ACADS: variants seen among roughly 807,000 people sequenced by gnomAD.
ACADS encodes the protein acyl-CoA dehydrogenase short chain.
Under a neutral mutation model 46.8 loss-of-function variants are expected in ACADS, and 28 were observed. The ratio of observed to expected loss-of-function variants is 0.60; its 90% CI spans 0.44 to 0.82. The LOEUF (loss-of-function observed/expected upper bound fraction) is 0.82. Among genes scored for constraint, ACADS ranks in the 40% least tolerant of loss-of-function variants. ACADS has a pLI of 0.00. For missense variants in ACADS, 528 were observed against 578.0 expected (o/e 0.91, Z 0.89); for synonymous variants, 236 against 237.7 (o/e 0.99, Z 0.07).
intron 2 of ACADS, among the ~76,000 whole-genome samples, chr12:120,730,194 G>T (rs560323020): frequency 6.6e-6 from 1 of 152,254 alleles, no homozygotes; most frequent in East Asian, 1.9e-4. Flanking sequence ...TGTTGGCCAG[G>T]CTGGTCTCGA....
intron 2 of ACADS, among the ~76,000 whole-genome samples, chr12:120,736,746 C>T (rs1041046304): frequency 2.6e-5 from 4 of 152,114 alleles, no homozygotes; most frequent in Non-Finnish European, 1.5e-5. Context: ...TGGCTGTGGA[C>T]GGAGCGGGGA....
intron 2 of ACADS, among the ~76,000 whole-genome samples, chr12:120,735,578 A>G (rs137940740): frequency 3.3e-5 from 5 of 151,908 alleles, no homozygotes; most frequent in African/African-American, 9.6e-5. Context: ...AAACATTCTT[A>G]TTAGTTTATG....
At position 120,738,655 on chromosome 12, in the gene ACADS, G is replaced by T; in HGVS notation, c.918G>T (p.Lys306Asn). 1 of 1,612,334 alleles carries T rather than the reference G, an allele frequency of 6.2e-7. No individual in the cohort carries two copies. The change falls in exon 7 of 10, where the codon AAG becomes AAT. Residue 306 changes from lysine to asparagine, a missense_variant. Lys to Asn is a moderately conservative substitution (Grantham distance 94, BLOSUM62 0). Coordinates refer to ENST00000242592, the MANE Select transcript of ACADS (RefSeq NM_000017.4). ...TGGCCTTCGGGGCGCCCCTCACCAA[G>T]CTCCAGGTCATCCAGGTAATGGTGG... is the stretch of plus-strand genomic sequence containing the variant. ...NRMAFGAPLT[K>N]LQVIQFKLAD...
chr12:120,739,003 C>T, intron 8 of ACADS, 88 bp downstream of exon 8: 1 of 1,594,502 alleles, frequency 6.3e-7, no homozygotes. Flanking sequence ...CTCCTTGGCC[C>T]CGTGGGTCAG....
In ACADS at chr12:120,737,055, G is replaced by A. The variant is rs772604031; in HGVS notation, c.280G>A (p.Asp94Asn). ...VPEELGGAGL[D>N]YLAYAIAMEE... ...CGAGGAGCTTGGCGGTGCTGGCCTC[G>A]ATTACCTGGCCTACGCCATCGCCAT... The change falls in exon 3 of 10, where the codon GAT (aspartate) becomes AAT (asparagine). Residue 94 changes from aspartate to asparagine, a missense_variant. Asp to Asn is a conservative substitution (Grantham distance 23). Transcript: ENST00000242592. 3.1e-6 allele frequency: 5 copies of A among 1,607,186 alleles called. No homozygotes were observed. The highest frequency in any genetic ancestry group is 3.4e-5 in the Admixed American group (2 of 59,202).
In ACADS at chr12:120,735,985, TC is replaced by T. The variant is rs1156319922; in HGVS notation, c.211-998del. Among the ~76,000 whole-genome samples, 5 of 151,996 alleles carry T rather than the reference TC, an allele frequency of 3.3e-5. No individual in the cohort carries two copies. In the East Asian group the frequency reaches 9.6e-4, roughly 29 times the overall value. On this transcript the variant is annotated intron_variant, in intron 2 of 9. Transcript: ENST00000242592. ...GGGCTCGTGAAAAGCAACGGTTCCCTCCCGTCCCCATCCCTGTCCCCGTCCC... is the reference window on the plus strand; with the variant it reads ...GGGCTCGTGAAAAGCAACGGTTCCCTCCGTCCCCATCCCTGTCCCCGTCCC...
chr12:120,727,032 G>C lies in ACADS; in HGVS notation c.53G>C (p.Cys18Ser), dbSNP rs1320246725. Residue 18 changes from cysteine (C) to serine (S), a missense_variant, in exon 2 of 10, where the codon TGT becomes TCT. Cys to Ser is a moderately radical substitution (Grantham distance 112). Transcript: ENST00000242592. Reference sequence around the variant, plus strand: ...CTTCTGCCCTTGCCGGCAGCTCTCTGTCCTAGGGCCTGGCGGCAGTTACAC... The same window carrying C: ...CTTCTGCCCTTGCCGGCAGCTCTCTCTCCTAGGGCCTGGCGGCAGTTACAC... ...RASGPARRALCPRAWRQLHTI... is the reference protein window; with the variant it reads ...RASGPARRALSPRAWRQLHTI... 1 of 1,614,134 alleles carries C rather than the reference G, an allele frequency of 6.2e-7. No individual in the cohort carries two copies. The highest frequency in any genetic ancestry group is 1.1e-5 in the South Asian group (1 of 91,086).
In ACADS at chr12:120,739,289, A is replaced by G; in HGVS notation, c.1087-7A>G. The G allele has an allele frequency of 6.2e-7, 1 of 1,612,988 alleles. No homozygotes were observed. Among genetic ancestry groups the G allele is most frequent in the Non-Finnish European group, 8.5e-7 (1 of 1,179,954 alleles). On this transcript the variant is annotated splice_region_variant and splice_polypyrimidine_tract_variant and intron_variant, in intron 9 of 9. Transcript: ENST00000242592. ...TTCTCCCTCCTGAGCCACTGTTCTC[A>G]TCTCAGGCCATCCAGATCCTGGGCG...
intron 2 of ACADS, among the ~76,000 whole-genome samples, chr12:120,727,704 T>G (rs1592933703): frequency 6.6e-6 from 1 of 152,104 alleles, no homozygotes. Flanking sequence ...GCCCCGCTAC[T>G]TTTGTATTTT....
Position 120,739,736 on chromosome 12 carries a change from C to G in ACADS, c.*288C>G. ...GGGGGCTGAGCGACACTCAGGGACACCTCAGTTGTCCTCCCGCGGGCCCTG... is the reference window on the plus strand; with the variant it reads ...GGGGGCTGAGCGACACTCAGGGACAGCTCAGTTGTCCTCCCGCGGGCCCTG... On this transcript the variant is annotated 3_prime_UTR_variant, in exon 10 of 10. Coordinates refer to ENST00000242592, the MANE Select transcript of ACADS (RefSeq NM_000017.4). 2.1e-6 allele frequency: 1 copy of G among 486,826 alleles called. No individual in the cohort carries two copies. Among genetic ancestry groups the G allele is most frequent in the Non-Finnish European group, 3.7e-6 (1 of 267,354 alleles). 30.2% of individuals were successfully genotyped at this position (486,826 alleles called of 1,614,324 possible). A position where few individuals can be genotyped will look rare whatever the true frequency, so the allele number is the denominator to read the frequency against.
At chr12:120,734,639 G>C (rs1883367871) in intron 2 of ACADS, among the ~76,000 whole-genome samples, 1 of 152,072 alleles carries the variant, frequency 6.6e-6, no homozygotes, top group African/African-American at 2.4e-5. Flanking sequence ...GCTTGGTGTG[G>C]TGGCTCGTGC....
At chr12:120,738,096 G>A in intron 5 of ACADS, 108 bp downstream of exon 5, 3 of 1,580,724 alleles carry the variant, frequency 1.9e-6, no homozygotes, top group Non-Finnish European at 2.6e-6. Flanking sequence ...TCTGGGGCAA[G>A]TGGGCTGTCC....
intron 2 of ACADS, among the ~76,000 whole-genome samples, chr12:120,736,412 A>G (rs1216072561): frequency 2.6e-5 from 4 of 152,238 alleles, no homozygotes; most frequent in African/African-American, 9.6e-5. Flanking sequence ...TGAAGGCAAA[A>G]GACCTTAATC....
chr12:120,737,904 T>C lies in ACADS; in HGVS notation c.540T>C (p.Asn180=), dbSNP rs1405058738. The C allele has an allele frequency of 6.2e-7, 1 of 1,614,140 alleles. No individual in the cohort carries two copies. The highest frequency in any genetic ancestry group is 8.5e-7 in the Non-Finnish European group (1 of 1,180,020). Residue 180 remains asparagine (N), a synonymous_variant, in exon 5 of 10, where the codon AAT becomes AAC. Coordinates refer to ENST00000242592, the MANE Select transcript of ACADS (RefSeq NM_000017.4). ...ARAEGDSWVL[N]GTKAWITNAW... Reference sequence around the variant, plus strand: ...CCGAGGGCGACTCATGGGTTCTGAATGGAACCAAAGCCTGGATCACCAATG... The same window carrying C: ...CCGAGGGCGACTCATGGGTTCTGAACGGAACCAAAGCCTGGATCACCAATG...
rs1883531349 is a variant in ACADS at position 120,738,372 on chromosome 12, C to T, written c.717C>T (p.Ala239=). 5 of 1,614,144 alleles carry T rather than the reference C, an allele frequency of 3.1e-6. No homozygotes were observed. The highest frequency in any genetic ancestry group is 1.3e-5 in the African/African-American group (1 of 75,074). Residue 239 remains alanine, a synonymous_variant, in exon 6 of 10, where the codon GCC becomes GCT. Transcript: ENST00000242592. ...TGGGCATCCGGGGCTCATCCACGGC[C>T]AACCTCATCTTTGAGGACTGTCGCA... is the stretch of plus-strand genomic sequence containing the variant. ...DKLGIRGSST[A]NLIFEDCRIP...
rs1369537981 is a variant in ACADS, at chr12:120,728,902, T to A, written c.210+1713T>A. Among the ~76,000 whole-genome samples the A allele has an allele frequency of 6.6e-6, 1 of 152,262 alleles. No homozygotes were observed. ...TATGAAGGCAGCAGGTGCTGCAGGC[T>A]TGCCTTGTCTGTCACTGCTGGGAAA... On this transcript the variant is annotated intron_variant, in intron 2 of 9. Coordinates refer to ENST00000242592, the MANE Select transcript of ACADS (RefSeq NM_000017.4). This position sits in a 1 kb window ranked among gnomAD's most constrained non-coding sequence, Gnocchi z 4.0.
intron 5 of ACADS, 125 bp downstream of exon 5, chr12:120,738,113 C>T: frequency 6.4e-7 from 1 of 1,569,782 alleles, no homozygotes; most frequent in Non-Finnish European, 8.6e-7. Flanking sequence ...GTCCCTGTCC[C>T]TCCTCAGCTG....
chr12:120,738,835 A>G lies in ACADS; in HGVS notation c.949A>G (p.Met317Val), dbSNP rs1883550890. ...LQVIQFKLAD[M>V]ALALESARLL... ...GCTATTGCAGTTCAAGTTGGCAGAC[A>G]TGGCCCTGGCCCTGGAGAGTGCCCG... is the stretch of plus-strand genomic sequence containing the variant. The change falls in exon 8 of 10, where the codon ATG becomes GTG. Residue 317 changes from methionine to valine, a missense_variant. By Grantham distance (21) the Met-to-Val change is conservative (BLOSUM62 1). Coordinates refer to ENST00000242592, the MANE Select transcript of ACADS (RefSeq NM_000017.4). 1.2e-6 allele frequency: 2 copies of G among 1,613,896 alleles called. No homozygotes were observed. Among genetic ancestry groups the G allele is most frequent in the East Asian group, 2.2e-5 (1 of 44,884 alleles).
chr12:120,734,473 C>A lies in ACADS; in HGVS notation c.211-2513C>A, dbSNP rs1229935538. ...GAGACTCGGAGATGACGCTCCGCCC[C>A]GCACTTAGAGTCTTACAAGTGAGTT... is the stretch of plus-strand genomic sequence containing the variant. On this transcript the variant is annotated intron_variant, in intron 2 of 9. Coordinates refer to ENST00000242592, the MANE Select transcript of ACADS (RefSeq NM_000017.4). 5.3e-5 allele frequency among the ~76,000 whole-genome samples: 8 copies of A among 152,204 alleles called. 1 individual carries two copies. The highest frequency in any genetic ancestry group is 1.2e-4 in the Non-Finnish European group (8 of 68,036).
Sources: gnomAD v4.1 joint callset for allele counts (sites outside exome capture counted in the v4.1 genomes callset) on GRCh38, gnomAD v4.1.1 for gene constraint, Gnocchi (gnomAD v3.1) non-coding constraint, MANE v1.5 for transcripts, NCBI Gene and HGNC (gene_info 2026-07-23, HGNC 2026-07-21) for gene names.